MAN1C1: variants seen among roughly 807,000 people sequenced by gnomAD.
The protein encoded by MAN1C1 is mannosidase alpha class 1C member 1.
MAN1C1 carries 49 observed loss-of-function variants against 71.5 expected under a neutral mutation model. The observed-to-expected ratio is 0.69, with a 90% CI of 0.54 to 0.87. The LOEUF (loss-of-function observed/expected upper bound fraction) is 0.87, where lower values mean the gene tolerates loss of function less well. Among genes scored for constraint, MAN1C1 ranks in the 40% least tolerant of loss-of-function variants. The pLI is 0.00. For missense variants in MAN1C1, 743 were observed against 835.0 expected, an observed-to-expected ratio of 0.89 and a Z score of 1.36; for synonymous variants, 352 against 343.7, an observed-to-expected ratio of 1.02 and a Z score of -0.27.
At position 25,782,666 on chromosome 1, in the gene MAN1C1, A is replaced by G; in HGVS notation, c.1732A>G (p.Lys578Glu). 6.2e-7 allele frequency: 1 copy of G among 1,614,008 alleles called. No homozygotes were observed. Among genetic ancestry groups the G allele is most frequent in the Non-Finnish European group, 8.5e-7 (1 of 1,179,958 alleles). The change falls in exon 11 of 12, where the codon AAG becomes GAG. Residue 578 changes from lysine to glutamate, a missense_variant. Physicochemically the swap from Lys to Glu is moderately conservative, Grantham distance 56. Transcript: ENST00000374332. The surrounding 1 kb of genome is among the most constrained non-coding windows in gnomAD (Gnocchi z 4.4). Reference protein sequence around the residue: ...VYSSTPNHDNKQQSFFLAETL... With the variant: ...VYSSTPNHDNEQQSFFLAETL... ...CAGTAGCACCCCCAACCACGACAAC[A>G]AGCAGCAGAGCTTCTTTCTAGCGGA...
At chr1:25,646,262 C>T (rs2045611658) in intron 1 of MAN1C1, 1 of 152,280 alleles carries the variant, frequency 6.6e-6, no homozygotes. Flanking sequence ...CACCGAAACG[C>T]ATCTGACTTC....
At chr1:25,780,632 C>T in intron 9 of MAN1C1, 1 of 265,408 alleles carries the variant, frequency 3.8e-6, no homozygotes. Flanking sequence ...TCAAAGTACA[C>T]AGTTGTGGAA....
At chr1:25,703,050 T>C (rs2046467857) in intron 2 of MAN1C1, among the ~76,000 whole-genome samples, 1 of 152,248 alleles carries the variant, frequency 6.6e-6, no homozygotes, top group Non-Finnish European at 1.5e-5. Flanking sequence ...TTCTGGTTCA[T>C]TGGGTCTGGA....
rs555686833 is a variant in MAN1C1, at chr1:25,779,599, C to G, written c.1477+1275C>G. ...AATCAGCCCAGACCATAAAAGACAG[C>G]CGCTTAATAAAGCATATTGTTCTAG... On this transcript the variant is annotated intron_variant, in intron 9 of 11. Coordinates refer to ENST00000374332, the MANE Select transcript of MAN1C1 (RefSeq NM_020379.4). The surrounding 1 kb of genome is among the most constrained non-coding windows in gnomAD (Gnocchi z 4.6). 6.6e-6 allele frequency among the ~76,000 whole-genome samples: 1 copy of G among 152,344 alleles called. No homozygotes were observed. The highest frequency in any genetic ancestry group is 2.1e-4 in the South Asian group (1 of 4,832).
intron 2 of MAN1C1, among the ~76,000 whole-genome samples, chr1:25,738,992 A>G (rs577495676): frequency 4.9e-4 from 75 of 152,198 alleles, no homozygotes; most frequent in African/African-American, 1.5e-3. Context: ...TGAGACCCCC[A>G]TCTCTACAAA....
chr1:25,649,330 C>A (rs534542359), intron 1 of MAN1C1, among the ~76,000 whole-genome samples: 2 of 152,248 alleles, frequency 1.3e-5, no homozygotes, highest in South Asian at 4.1e-4. Flanking sequence ...TAGAGCATGC[C>A]AATACGAAGT....
rs775978642 is a variant in MAN1C1, at chr1:25,746,759, G to A, written c.729G>A (p.Val243=). ...KEEFQEAKAW[V]GESFHLNVSG... is the part of the protein sequence containing the mutation. ...AGTTCCAGGAGGCCAAGGCCTGGGTGGGAGAGAGCTTCCACCTGAACGTGG... is the reference window on the plus strand; with the variant it reads ...AGTTCCAGGAGGCCAAGGCCTGGGTAGGAGAGAGCTTCCACCTGAACGTGG... Residue 243 remains valine (V), a synonymous_variant, in exon 3 of 12, where the codon GTG becomes GTA. Coordinates refer to ENST00000374332, the MANE Select transcript of MAN1C1 (RefSeq NM_020379.4). This position sits in a 1 kb window ranked among gnomAD's most constrained non-coding sequence, Gnocchi z 4.0. 1 of 1,612,590 alleles carries A rather than the reference G, an allele frequency of 6.2e-7. No homozygotes were observed. Among genetic ancestry groups the A allele is most frequent in the Non-Finnish European group, 8.5e-7 (1 of 1,179,084 alleles).
At chr1:25,636,157 C>G (rs1428214849) in intron 1 of MAN1C1, among the ~76,000 whole-genome samples, 1 of 152,172 alleles carries the variant, frequency 6.6e-6, no homozygotes, top group Non-Finnish European at 1.5e-5. Flanking sequence ...AGGGCAAAAT[C>G]AGAACTACTG....
chr1:25,651,491 A>C (rs1376335090), intron 1 of MAN1C1, among the ~76,000 whole-genome samples: 2 of 152,216 alleles, frequency 1.3e-5, no homozygotes, highest in Non-Finnish European at 2.9e-5. Flanking sequence ...GCAGGAAGGA[A>C]GGGGCAGCCC....
chr1:25,667,554 T>C (rs796191672), intron 1 of MAN1C1, among the ~76,000 whole-genome samples: 7 of 151,626 alleles, frequency 4.6e-5, no homozygotes, highest in African/African-American at 1.7e-4. Context: ...GAGTTTTCTC[T>C]CTGTCCCCAT....
intron 1 of MAN1C1, among the ~76,000 whole-genome samples, chr1:25,650,808 C>CA (rs2045680946): frequency 6.6e-6 from 1 of 152,148 alleles, no homozygotes; most frequent in African/African-American, 2.4e-5. Flanking sequence ...TTAGTCCTTA[C>CA]AGAAGGAGAA....
chr1:25,629,786 A>G (rs895249393), intron 1 of MAN1C1, among the ~76,000 whole-genome samples: 22 of 150,982 alleles, frequency 1.5e-4, no homozygotes, highest in Non-Finnish European at 4.4e-5. Flanking sequence ...TTTAGACACT[A>G]GTTCTTTGTT....
At chr1:25,699,977 T>C (rs2046417589) in intron 2 of MAN1C1, among the ~76,000 whole-genome samples, 1 of 152,116 alleles carries the variant, frequency 6.6e-6, no homozygotes, top group African/African-American at 2.4e-5. Flanking sequence ...CAGGGATCAA[T>C]AGGAATTGTT....
intron 2 of MAN1C1, among the ~76,000 whole-genome samples, chr1:25,706,531 A>G (rs1380104340): frequency 2.0e-5 from 3 of 152,144 alleles, no homozygotes; most frequent in Non-Finnish European, 2.9e-5. Context: ...GCGGGGGGGA[A>G]TCCTTGCAGG....
chr1:25,630,920 C>T (rs1225866703), intron 1 of MAN1C1, among the ~76,000 whole-genome samples: 4 of 152,062 alleles, frequency 2.6e-5, no homozygotes, highest in African/African-American at 9.7e-5. Context: ...TGCCAGATTG[C>T]TCTGGCTAGG....
chr1:25,623,725 T>A (rs1485486008), intron 1 of MAN1C1, among the ~76,000 whole-genome samples: 1 of 151,660 alleles, frequency 6.6e-6, no homozygotes, highest in African/African-American at 2.4e-5. Context: ...TTGTGGATAC[T>A]GACGCTGGCT....
intron 1 of MAN1C1, among the ~76,000 whole-genome samples, chr1:25,641,442 C>T (rs1453026058): frequency 6.6e-6 from 1 of 152,184 alleles, no homozygotes; most frequent in African/African-American, 2.4e-5. Context: ...AGAGTTTTCA[C>T]TTTGGAATGG....
At chr1:25,745,043 C>T (rs1029105565) in intron 2 of MAN1C1, among the ~76,000 whole-genome samples, 2 of 152,240 alleles carry the variant, frequency 1.3e-5, no homozygotes, top group African/African-American at 4.8e-5. Flanking sequence ...GGAAGCCTTT[C>T]AGATAGTAGC....
chr1:25,683,901 C>T (rs1299571396), intron 1 of MAN1C1, among the ~76,000 whole-genome samples: 1 of 152,196 alleles, frequency 6.6e-6, no homozygotes, highest in Non-Finnish European at 1.5e-5. Context: ...CTCTGATTGC[C>T]TTGTGAATTC....
Sources: allele counts gnomAD v4.1 joint callset (sites outside exome capture counted in the v4.1 genomes callset), GRCh38; gene constraint gnomAD v4.1.1; non-coding constraint Gnocchi (gnomAD v3.1); transcripts MANE v1.5; gene names NCBI Gene and HGNC (gene_info 2026-07-23, HGNC 2026-07-21).